The following RIMS2 variants were observed in gnomAD, a reference collection of about 807,000 sequenced individuals.
RIMS2 encodes the protein regulating synaptic membrane exocytosis protein 2.
In RIMS2, 59 loss-of-function variants were observed where a neutral mutation model predicts 174.4. The ratio of observed to expected loss-of-function variants is 0.34; its 90% CI spans 0.27 to 0.42. RIMS2 has a LOEUF of 0.42. RIMS2 is among the 10% of genes least tolerant of loss of function. RIMS2 has a pLI of 1.00. For synonymous variants in RIMS2, 606 were observed against 572.5 expected (o/e 1.06, Z -0.84); for missense variants, 1,620 against 1,666.3 (o/e 0.97, Z 0.48).
At chr8:103,575,683 C>CATATATATAT (rs371156171) in intron 1 of RIMS2, among the ~76,000 whole-genome samples, 1 of 145,826 alleles carries the variant, frequency 6.9e-6, no homozygotes, top group African/African-American at 2.5e-5. Flanking sequence ...CACACACACA[C>CATATATATAT]ACATATATAT....
intron 1 of RIMS2, among the ~76,000 whole-genome samples, chr8:103,513,829 A>G (rs1827730272): frequency 6.6e-6 from 1 of 152,236 alleles, no homozygotes; most frequent in South Asian, 2.1e-4. Flanking sequence ...TAAAGGAAAA[A>G]TTGAAAATTA....
intron 13 of RIMS2, among the ~76,000 whole-genome samples, chr8:103,940,649 G>A (rs530995831): frequency 6.6e-6 from 1 of 152,156 alleles, no homozygotes; most frequent in South Asian, 2.1e-4. Flanking sequence ...GCCGAGGGGG[G>A]CAGATCACCT....
At chr8:104,049,789 ACTTTT>A (rs2096755997) in intron 19 of RIMS2, among the ~76,000 whole-genome samples, 1 of 152,224 alleles carries the variant, frequency 6.6e-6, no homozygotes, top group South Asian at 2.1e-4. Context: ...ATAGTCTACC[ACTTTT>A]CTCATTTAGG....
chr8:103,630,660 T>C (rs2095894409), intron 1 of RIMS2, among the ~76,000 whole-genome samples: 1 of 149,926 alleles, frequency 6.7e-6, no homozygotes, highest in African/African-American at 2.5e-5. Context: ...CTATGATAAG[T>C]CACACACACA....
chr8:103,913,955 A>C (rs1362045022), intron 6 of RIMS2, among the ~76,000 whole-genome samples: 1 of 152,150 alleles, frequency 6.6e-6, no homozygotes, highest in Non-Finnish European at 1.5e-5. Context: ...TCAGACTACT[A>C]ACATTTATTG....
intron 19 of RIMS2, among the ~76,000 whole-genome samples, chr8:104,204,765 G>T (rs903293303): frequency 1.3e-5 from 2 of 152,124 alleles, no homozygotes; most frequent in African/African-American, 4.8e-5. Flanking sequence ...CCTGTAAGAG[G>T]CTTGTATATA....
chr8:103,540,139 C>T (rs1182044464), intron 1 of RIMS2, among the ~76,000 whole-genome samples: 3 of 152,234 alleles, frequency 2.0e-5, no homozygotes, highest in African/African-American at 4.8e-5. Flanking sequence ...GCCATAGGTA[C>T]TCCACACGTT....
intron 3 of RIMS2, among the ~76,000 whole-genome samples, chr8:103,845,740 G>C (rs2154490095): frequency 6.6e-6 from 1 of 152,208 alleles, no homozygotes; most frequent in East Asian, 1.9e-4. Context: ...TAAAGGTTGG[G>C]AAGAGCAACA....
chr8:103,662,435 C>T (rs2096612731), intron 1 of RIMS2, among the ~76,000 whole-genome samples: 1 of 152,112 alleles, frequency 6.6e-6, no homozygotes, highest in African/African-American at 2.4e-5. Context: ...GTGAAAAACA[C>T]ATATTCTTAT....
chr8:103,938,190 A>G (rs2081700690), intron 13 of RIMS2, among the ~76,000 whole-genome samples: 1 of 152,138 alleles, frequency 6.6e-6, no homozygotes, highest in Admixed American at 6.5e-5. Context: ...TAAGTTACTC[A>G]CTTTCAGCTT....
rs188075207 is a variant in RIMS2, at chr8:104,225,643, A to G, written c.3335-19273A>G. ...AATATGAAATTATTTCAATATTTGAAGTACGTTTGCTTAACTATGGCTCAC... is the reference window on the plus strand; with the variant it reads ...AATATGAAATTATTTCAATATTTGAGGTACGTTTGCTTAACTATGGCTCAC... On this transcript the variant is annotated intron_variant, in intron 19 of 23. Coordinates refer to ENST00000504942, the Ensembl canonical transcript of RIMS2. 1.8e-4 allele frequency among the ~76,000 whole-genome samples: 28 copies of G among 152,360 alleles called. No homozygotes were observed. The East Asian group carries it at 5.2e-3, about 28-fold the overall frequency.
chr8:104,243,180 A>G (rs1364644226), intron 19 of RIMS2, among the ~76,000 whole-genome samples: 2 of 152,206 alleles, frequency 1.3e-5, no homozygotes, highest in Non-Finnish European at 2.9e-5. Flanking sequence ...ATTATCTAAA[A>G]TATCAGCCTT....
chr8:103,687,430 A>T (rs2096955763), intron 1 of RIMS2, among the ~76,000 whole-genome samples: 1 of 151,990 alleles, frequency 6.6e-6, no homozygotes, highest in South Asian at 2.1e-4. Flanking sequence ...AAAATTGTGT[A>T]TACTTACACA....
chr8:103,748,954 C>A (rs949604394), intron 2 of RIMS2, among the ~76,000 whole-genome samples: 1 of 151,770 alleles, frequency 6.6e-6, no homozygotes, highest in African/African-American at 2.4e-5. Flanking sequence ...GCATGCACTA[C>A]GAAGCCCAGC....
intron 1 of RIMS2, among the ~76,000 whole-genome samples, chr8:103,587,468 G>GAAAC (rs2094012710): frequency 1.0e-5 from 1 of 96,344 alleles, no homozygotes; most frequent in Non-Finnish European, 2.2e-5. Flanking sequence ...AAGAAAGAAA[G>GAAAC]AAACTATGCA....
Position 103,697,668 on chromosome 8 carries a change from T to C in RIMS2, c.387+372T>C, listed in dbSNP as rs2097122503. On this transcript the variant is annotated intron_variant, in intron 2 of 23. Transcript: ENST00000504942. ...ACCTAAGCTGGAGAAGTCAAGGCTG[T>C]GGTGAGCCATGATTGTGCCACTGCA... 2.0e-5 allele frequency among the ~76,000 whole-genome samples: 3 copies of C among 152,092 alleles called. No individual in the cohort carries two copies. In the South Asian group the frequency reaches 6.2e-4, roughly 32 times the overall value.
At chr8:103,712,167 C>CTTTTT (rs760792486) in intron 2 of RIMS2, among the ~76,000 whole-genome samples, 159 of 127,298 alleles carry the variant, frequency 1.2e-3, no homozygotes, top group African/African-American at 4.5e-3. Flanking sequence ...AATTTTTAAA[C>CTTTTT]TTTTTTTTTT....
chr8:103,876,874 A>T (rs1262264976), intron 3 of RIMS2, among the ~76,000 whole-genome samples: 12 of 24,602 alleles, frequency 4.9e-4, no homozygotes, highest in South Asian at 1.2e-3. Flanking sequence ...TTATATATAT[A>T]TATATATATA....
intron 4 of RIMS2, among the ~76,000 whole-genome samples, chr8:103,887,481 G>A (rs1231279256): frequency 1.3e-5 from 2 of 151,140 alleles, no homozygotes; most frequent in Non-Finnish European, 3.0e-5. Context: ...AATCAATTAA[G>A]TATTTAACTG....
Sources: gnomAD v4.1 joint callset for allele counts (sites outside exome capture counted in the v4.1 genomes callset) on GRCh38, gnomAD v4.1.1 for gene constraint, MANE v1.5 for transcripts, NCBI Gene and HGNC (gene_info 2026-07-23, HGNC 2026-07-21) for gene names.